Variants in INTS4 observed in about 807,000 individuals in gnomAD.
INTS4 encodes the protein integrator complex subunit 4, also known as MSTP093.
In INTS4, 70 loss-of-function variants were observed where a neutral mutation model predicts 119.5. That is an observed-to-expected ratio of 0.59 (90% CI 0.48 to 0.71). The LOEUF is 0.71. Ranked by LOEUF, INTS4 falls within the 30% of genes least tolerant of loss-of-function variation. The pLI, the probability that INTS4 is intolerant of heterozygous loss-of-function variation, is 0.00. For synonymous variants in INTS4, 316 were observed against 419.6 expected, an observed-to-expected ratio of 0.75 and a Z score of 3.02; for missense variants, 867 against 1,173.2, an observed-to-expected ratio of 0.74 and a Z score of 3.81.
intron 15 of INTS4, among the ~76,000 whole-genome samples, chr11:77,915,961 T>C (rs1211808582): frequency 6.6e-6 from 1 of 152,196 alleles, no homozygotes; most frequent in Non-Finnish European, 1.5e-5. Context: ...CCTGACTCAA[T>C]AGGCAGCTTT....
rs541454134 is a variant in INTS4 at position 77,916,771 on chromosome 11, C to T, written c.1922+2050G>A. 2.2e-3 allele frequency among the ~76,000 whole-genome samples: 341 copies of T among 152,372 alleles called. 2 individuals are homozygous for T. The highest frequency in any genetic ancestry group is 8.0e-3 in the African/African-American group (333 of 41,586). ...GTGAAGCATCCCTCACCACCACTAC[C>T]GTGATGGGTCGGGGACTTTCATCTG... On this transcript the variant is annotated intron_variant, in intron 15 of 22. Transcript: ENST00000534064.
At chr11:77,902,386 A>G (rs1480748051) in intron 17 of INTS4, among the ~76,000 whole-genome samples, 2 of 152,092 alleles carry the variant, frequency 1.3e-5, no homozygotes, top group Non-Finnish European at 2.9e-5. Context: ...ATGTGGCTCA[A>G]TTATCGGGTT....
chr11:77,874,799 G>C (rs150982067), downstream of INTS4, among the ~76,000 whole-genome samples: 1,373 of 152,294 alleles, frequency 9.0e-3, 21 homozygotes, highest in African/African-American at 0.03. Flanking sequence ...CGCTTTGGGA[G>C]GCCGAGGTGG....
intron 4 of INTS4, chr11:77,977,902 T>G (rs1437761182): frequency 4.6e-5 from 7 of 151,788 alleles, no homozygotes; most frequent in Admixed American, 1.3e-4. Context: ...TTTGTTTTTT[T>G]TTTTAAAGAC....
chr11:77,874,713 A>G (rs1951550738), downstream of INTS4, among the ~76,000 whole-genome samples: 1 of 152,274 alleles, frequency 6.6e-6, no homozygotes, highest in African/African-American at 2.4e-5. Flanking sequence ...CAAGCTGCCC[A>G]CAGGTCATTT....
intron 2 of INTS4, among the ~76,000 whole-genome samples, chr11:77,988,607 C>G (rs1856547993): frequency 6.6e-6 from 1 of 152,114 alleles, no homozygotes; most frequent in Non-Finnish European, 1.5e-5. Context: ...CGATATGAAA[C>G]AGAAGGGTAA....
intron 18 of INTS4, among the ~76,000 whole-genome samples, chr11:77,896,026 C>T (rs530288309): frequency 5.6e-4 from 85 of 152,162 alleles, no homozygotes; most frequent in African/African-American, 1.7e-3. Flanking sequence ...GTGTTATAAA[C>T]GACAATCAGG....
At chr11:77,902,334 T>C (rs1171398272) in intron 17 of INTS4, among the ~76,000 whole-genome samples, 1 of 152,172 alleles carries the variant, frequency 6.6e-6, no homozygotes, top group Non-Finnish European at 1.5e-5. Flanking sequence ...ATTCCTTTCC[T>C]CTTTTCCTTC....
chr11:77,936,761 A>G (rs1208313193), intron 10 of INTS4, among the ~76,000 whole-genome samples: 1 of 152,106 alleles, frequency 6.6e-6, no homozygotes, highest in African/African-American at 2.4e-5. Context: ...AAACTGGAGA[A>G]AGAAAGGAAG....
chr11:77,989,423 T>TA (rs1393808805), intron 2 of INTS4, among the ~76,000 whole-genome samples: 1 of 151,854 alleles, frequency 6.6e-6, no homozygotes, highest in African/African-American at 2.4e-5. Flanking sequence ...GGAGTGCTAT[T>TA]ACACTCCAGC....
intron 2 of INTS4, among the ~76,000 whole-genome samples, chr11:77,989,484 T>A (rs1204436515): frequency 1.3e-5 from 2 of 151,820 alleles, no homozygotes; most frequent in Non-Finnish European, 2.9e-5. Flanking sequence ...CAAAATAAAA[T>A]AAAATTCAGC....
chr11:77,927,135 A>G (rs3758664), intron 11 of INTS4, among the ~76,000 whole-genome samples: 22,789 of 152,144 alleles, frequency 0.15, 1,952 homozygotes, highest in East Asian at 0.26. Flanking sequence ...AGGAAAAGCA[A>G]TATGTGTAGG....
intron 8 of INTS4, among the ~76,000 whole-genome samples, chr11:77,955,164 C>G (rs1954287821): frequency 6.6e-6 from 1 of 151,962 alleles, no homozygotes; most frequent in African/African-American, 2.4e-5. Context: ...CAAAGCAAGA[C>G]CCCATGTCTA....
At chr11:77,950,552 C>A (rs1257351053) in intron 8 of INTS4, among the ~76,000 whole-genome samples, 1 of 151,826 alleles carries the variant, frequency 6.6e-6, no homozygotes, top group East Asian at 1.9e-4. Flanking sequence ...TTGTATATTA[C>A]AAAATATACA....
chr11:77,926,267 T>C (rs1444869275), intron 11 of INTS4, among the ~76,000 whole-genome samples: 2 of 150,636 alleles, frequency 1.3e-5, no homozygotes, highest in Non-Finnish European at 3.0e-5. Flanking sequence ...ACACAGAAAA[T>C]ATAAGGGAGA....
intron 15 of INTS4, among the ~76,000 whole-genome samples, chr11:77,912,135 G>T (rs1160807117): frequency 5.3e-5 from 8 of 152,094 alleles, no homozygotes; most frequent in Admixed American, 4.6e-4. Flanking sequence ...GCCAAGGTGG[G>T]TGGATTGCCT....
At position 77,928,293 on chromosome 11, in the gene INTS4, AG is replaced by A. The variant is rs374992520; in HGVS notation, c.1371+48del. 1,747 of 1,566,684 alleles carry A rather than the reference AG, an allele frequency of 1.1e-3. 5 individuals carry two copies. In the African/African-American group the frequency reaches 0.012, roughly 11 times the overall value. The stretch of plus-strand genomic sequence containing the variant: ...GCCTAGCACAATACCTGATTTTAAC[AG>A]GGGGGGGTGAGGGATGAAGAAATGA... On this transcript the variant is annotated intron_variant, in intron 11 of 22. Coordinates refer to ENST00000534064, the MANE Select transcript of INTS4 (RefSeq NM_033547.4).
intron 21 of INTS4, among the ~76,000 whole-genome samples, chr11:77,891,043 C>T (rs540762064): frequency 6.6e-6 from 1 of 152,180 alleles, no homozygotes; most frequent in East Asian, 1.9e-4. Flanking sequence ...TTTAGTGAAC[C>T]CTTACTGGGT....
chr11:77,910,456 G>A (rs560953439), intron 15 of INTS4, among the ~76,000 whole-genome samples: 1 of 139,920 alleles, frequency 7.1e-6, no homozygotes, highest in South Asian at 2.6e-4. Flanking sequence ...GGTGGGGGAG[G>A]GGGGAGGGAT....
Sources: allele counts gnomAD v4.1 joint callset (sites outside exome capture counted in the v4.1 genomes callset), GRCh38; gene constraint gnomAD v4.1.1; transcripts MANE v1.5; gene names NCBI Gene and HGNC (gene_info 2026-07-23, HGNC 2026-07-21).